Variants in CCDC88B observed in about 807,000 individuals in gnomAD.
CCDC88B encodes coiled-coil and HOOK domain protein 88B, also known as coiled-coil domain-containing protein 88B.
CCDC88B carries 138 observed loss-of-function variants against 183.7 expected under a neutral mutation model. The observed-to-expected ratio is 0.75, with a 90% CI of 0.65 to 0.87. The LOEUF is 0.87. Among genes scored for constraint, CCDC88B ranks in the 40% least tolerant of loss-of-function variants. The pLI, the probability that CCDC88B is intolerant of heterozygous loss-of-function variation, is 0.00. For missense variants in CCDC88B, 1,822 were observed against 1,965.6 expected, an observed-to-expected ratio of 0.93 and a Z score of 1.38; for synonymous variants, 835 against 867.5, an observed-to-expected ratio of 0.96 and a Z score of 0.66.
chr11:64,354,800 A>C (rs2036483936), intron 24 of CCDC88B, among the ~76,000 whole-genome samples: 1 of 72,868 alleles, frequency 1.4e-5, no homozygotes, highest in Non-Finnish European at 2.5e-5. Context: ...TCCCTGCATA[A>C]GCCTCAGCCT....
At position 64,343,930 on chromosome 11, in the gene CCDC88B, C is replaced by A; in HGVS notation, c.1455+16C>A. The A allele has an allele frequency of 1.9e-6, 3 of 1,589,074 alleles. No homozygotes were observed. The highest frequency in any genetic ancestry group is 2.6e-6 in the Non-Finnish European group (3 of 1,166,714). ...AGGGGGCCAGGTAAGTCCCCTCCCC[C>A]AGGGTCCTGGCCGGCCCTTCCCCTA... On this transcript the variant is annotated intron_variant, in intron 13 of 26. Transcript: ENST00000356786.
chr11:64,354,449 T>G (rs2036463056), intron 24 of CCDC88B, among the ~76,000 whole-genome samples: 1 of 151,682 alleles, frequency 6.6e-6, no homozygotes, highest in Non-Finnish European at 1.5e-5. Flanking sequence ...TAGGGAGAGG[T>G]CATTGTTCCT....
At chr11:64,341,768 C>A (rs986501412) in intron 7 of CCDC88B, 26 bp downstream of exon 7, 13 of 1,544,538 alleles carry the variant, frequency 8.4e-6, no homozygotes, top group Middle Eastern at 3.5e-4. Flanking sequence ...GCATCGTGGA[C>A]TCAGGTTGGG....
intron 19 of CCDC88B, 81 bp from the exon 20 acceptor site, chr11:64,352,663 G>A (rs573579863): frequency 3.9e-5 from 61 of 1,582,718 alleles, no homozygotes; most frequent in African/African-American, 1.9e-4. Flanking sequence ...AGACCCCCCC[G>A]CCCCGGGTCC....
At position 64,341,107 on chromosome 11, in the gene CCDC88B, A is replaced by G; in HGVS notation, c.319-2A>G. The G allele has an allele frequency of 6.2e-7, 1 of 1,614,034 alleles. No homozygotes were observed. Among genetic ancestry groups the G allele is most frequent in the Non-Finnish European group, 8.5e-7 (1 of 1,179,986 alleles). ...TCATATAGTCTGCCTCTCTGCCTCC[A>G]GGAGGAGCTGCAGCTGCTGATCCTG... On this transcript the variant is annotated splice_acceptor_variant, in intron 3 of 26. Coordinates refer to ENST00000356786, the MANE Select transcript of CCDC88B (RefSeq NM_032251.6). LOFTEE classifies it high-confidence loss of function.
Position 64,341,451 on chromosome 11 carries a change from A to C in CCDC88B, c.478A>C (p.Ile160Leu), listed in dbSNP as rs1305722200. ...GCACCGGGAACTCTTCATCCGCCAC[A>C]TCCAGGGCCTCAGTCTCGAGGTCCA... ...CEHRELFIRH[I>L]QGLSLEVQSE... Residue 160 changes from isoleucine (I) to leucine (L), a missense_variant, in exon 6 of 27, where the codon ATC becomes CTC. Transcript: ENST00000356786. 1 of 1,613,948 alleles carries C rather than the reference A, an allele frequency of 6.2e-7. No homozygotes were observed. The highest frequency in any genetic ancestry group is 1.1e-5 in the South Asian group (1 of 91,080).
intron 24 of CCDC88B, among the ~76,000 whole-genome samples, chr11:64,354,383 G>A (rs1209313430): frequency 6.6e-6 from 1 of 152,012 alleles, no homozygotes; most frequent in Non-Finnish European, 1.5e-5. Context: ...TGCTGTCCCC[G>A]ACCCAGCCTG....
At position 64,340,920 on chromosome 11, in the gene CCDC88B, C is replaced by T; in HGVS notation, c.220C>T (p.Arg74Ter). 1 of 1,558,462 alleles carries T rather than the reference C, an allele frequency of 6.4e-7. No homozygotes were observed. The highest frequency in any genetic ancestry group is 1.4e-5 in the African/African-American group (1 of 73,348). The change falls in exon 3 of 27, where the codon CGA becomes TGA. Residue 74 changes from arginine (R) to a stop codon, truncating the protein, a stop_gained. Coordinates refer to ENST00000356786, the MANE Select transcript of CCDC88B (RefSeq NM_032251.6). LOFTEE classifies it high-confidence loss of function. ...TCCGGCTCATAGTGCCCCCAGCTCC[C>T]GAGGGGGACCTCGGATGCTCAGAGG... ...RVLGIIAPSS[R>*]GGPRMLRGLD...
chr11:64,356,895 G>A (rs539678784), intron 26 of CCDC88B, 144 bp from the exon 27 acceptor site: 8 of 739,124 alleles, frequency 1.1e-5, no homozygotes, highest in Admixed American at 7.6e-5. Context: ...GGGAACCGCT[G>A]AGGGAACAGC....
intron 14 of CCDC88B, among the ~76,000 whole-genome samples, chr11:64,346,957 G>C (rs948169062): frequency 6.6e-6 from 1 of 151,394 alleles, no homozygotes; most frequent in African/African-American, 2.4e-5. Flanking sequence ...ACCATGCCCA[G>C]CTAATTTTTT....
Sources: allele counts gnomAD v4.1 joint callset (sites outside exome capture counted in the v4.1 genomes callset), GRCh38; gene constraint gnomAD v4.1.1; transcripts MANE v1.5; gene names NCBI Gene and HGNC (gene_info 2026-07-23, HGNC 2026-07-21).